The following BANK1 variants were observed in gnomAD, a reference collection of about 807,000 sequenced individuals.
BANK1 encodes B-cell scaffold protein with ankyrin repeats.
BANK1 carries 95 observed loss-of-function variants against 94.5 expected under a neutral mutation model. The observed-to-expected ratio is 1.00, with a 90% CI of 0.85 to 1.19. BANK1 has a LOEUF of 1.19. Ranked by LOEUF, BANK1 falls within the 50% of genes most tolerant of loss-of-function variation. The pLI is 0.00. For synonymous variants in BANK1, 334 were observed against 308.4 expected (o/e 1.08, Z -0.87); for missense variants, 987 against 932.2 (o/e 1.06, Z -0.77).
At position 102,016,843 on chromosome 4, in the gene BANK1, C is replaced by A. The variant is rs576455306; in HGVS notation, c.1207-4671C>A. Among the ~76,000 whole-genome samples, 3 of 151,940 alleles carry A rather than the reference C, an allele frequency of 2.0e-5. No individual in the cohort carries two copies. In the South Asian group the frequency reaches 6.2e-4, roughly 32 times the overall value. On this transcript the variant is annotated intron_variant, in intron 7 of 16. Transcript: ENST00000322953. ...AAGCCAGGAGCTAAAGACACGCCCACGAATAATAAGGTTAGAGATATAAAT... is the reference window on the plus strand; with the variant it reads ...AAGCCAGGAGCTAAAGACACGCCCAAGAATAATAAGGTTAGAGATATAAAT...
chr4:101,920,974 GGA>G (rs1228439119), intron 7 of BANK1, among the ~76,000 whole-genome samples: 2 of 151,798 alleles, frequency 1.3e-5, no homozygotes, highest in Non-Finnish European at 2.9e-5. Flanking sequence ...GGAAGAGAAA[GGA>G]GAGAAGGAGG....
At chr4:101,803,997 C>CAAAAAAAAAAAAAAAAAA (rs55704915) in intron 1 of BANK1, among the ~76,000 whole-genome samples, 2 of 68,408 alleles carry the variant, frequency 2.9e-5, no homozygotes, top group Non-Finnish European at 2.4e-5. Flanking sequence ...GACTCCGTCT[C>CAAAAAAAAAAAAAAAAAA]AAAAAAAAAA....
chr4:101,868,525 AT>A (rs544625273), intron 4 of BANK1, among the ~76,000 whole-genome samples: 156 of 152,058 alleles, frequency 1.0e-3, no homozygotes, highest in Middle Eastern at 0.01. Flanking sequence ...ATTGTATAAG[AT>A]TTGTGATATA....
At chr4:101,870,817 C>T (rs1259118717) in intron 5 of BANK1, among the ~76,000 whole-genome samples, 173 bp downstream of exon 5, 1 of 151,314 alleles carries the variant, frequency 6.6e-6, no homozygotes, top group Non-Finnish European at 1.5e-5. Context: ...AGACAAATTA[C>T]TTTGCCTAGG....
chr4:101,927,452 A>G (rs1723200586), intron 7 of BANK1, among the ~76,000 whole-genome samples: 1 of 151,642 alleles, frequency 6.6e-6, no homozygotes, highest in African/African-American at 2.4e-5. Flanking sequence ...AATTGATCAG[A>G]GTCACAACTA....
chr4:101,849,954 T>C (rs1334420580), intron 2 of BANK1, among the ~76,000 whole-genome samples: 1 of 152,176 alleles, frequency 6.6e-6, no homozygotes, highest in East Asian at 1.9e-4. Context: ...TTTAGAAAAG[T>C]GTTAGAAGAG....
chr4:102,039,133 G>A (rs984978022), intron 10 of BANK1, among the ~76,000 whole-genome samples: 13 of 152,146 alleles, frequency 8.5e-5, no homozygotes, highest in South Asian at 2.1e-4. Flanking sequence ...ACCTACATAC[G>A]TCTGCCATGC....
chr4:101,977,457 T>C (rs562733391), intron 7 of BANK1, among the ~76,000 whole-genome samples: 45 of 152,168 alleles, frequency 3.0e-4, no homozygotes, highest in Non-Finnish European at 5.4e-4. Flanking sequence ...GTCACTGTGG[T>C]CGTTAAATGT....
chr4:101,934,181 G>T (rs527553442), intron 7 of BANK1, among the ~76,000 whole-genome samples: 1 of 151,446 alleles, frequency 6.6e-6, no homozygotes, highest in African/African-American at 2.4e-5. Context: ...AATTTCCAGA[G>T]TAGATAAAAA....
intron 5 of BANK1, among the ~76,000 whole-genome samples, chr4:101,891,810 C>T (rs1345462408): frequency 6.6e-6 from 1 of 151,964 alleles, no homozygotes; most frequent in African/African-American, 2.4e-5. Context: ...ACTGTATTTT[C>T]AGTTCTAAAA....
chr4:101,842,563 A>G (rs1727091280), intron 2 of BANK1, among the ~76,000 whole-genome samples: 1 of 152,080 alleles, frequency 6.6e-6, no homozygotes, highest in African/African-American at 2.4e-5. Context: ...AAATAACTAT[A>G]CTCTTGGACA....
Position 101,889,604 on chromosome 4 carries a change from C to CAAAAA in BANK1, c.904-5681_904-5677dup, listed in dbSNP as rs59341810. Among the ~76,000 whole-genome samples, 64 of 54,894 alleles carry CAAAAA rather than the reference C, an allele frequency of 1.2e-3. 3 individuals carry two copies. The highest frequency in any genetic ancestry group is 3.8e-3 in the African/African-American group (54 of 14,276). 36.0% of individuals were successfully genotyped at this position (54,894 alleles called of 152,430 possible). A position where few individuals can be genotyped will look rare whatever the true frequency, so the allele number is the denominator to read the frequency against. ...TGGGCGACAGAGCGAGACTCCGTCTCAAAAAAAAAAAAAAAAAAAAAAAAG... is the reference window on the plus strand; with the variant it reads ...TGGGCGACAGAGCGAGACTCCGTCTCAAAAAAAAAAAAAAAAAAAAAAAAAAAAAG... On this transcript the variant is annotated intron_variant, in intron 5 of 16. Coordinates refer to ENST00000322953, the MANE Select transcript of BANK1 (RefSeq NM_017935.5).
At position 101,986,907 on chromosome 4, in the gene BANK1, A is replaced by G. The variant is rs369887170; in HGVS notation, c.1207-34607A>G. 2.2e-3 allele frequency among the ~76,000 whole-genome samples: 248 copies of G among 112,098 alleles called. 7 individuals carry two copies. The highest frequency in any genetic ancestry group is 5.2e-3 in the African/African-American group (143 of 27,762). The allele number at this position is 112,098 out of a possible 152,430, so 73.5% of individuals were successfully genotyped here. A position where few individuals can be genotyped will look rare whatever the true frequency, so the allele number is the denominator to read the frequency against. On this transcript the variant is annotated intron_variant, in intron 7 of 16. Transcript: ENST00000322953. ...TGTGTGTGTGTGTGTGTGTATATATATATATATATATATATATATATATAG... is the reference window on the plus strand; with the variant it reads ...TGTGTGTGTGTGTGTGTGTATATATGTATATATATATATATATATATATAG...
rs1004498017 is a variant in BANK1, at chr4:101,890,090, A to G, written c.904-5215A>G. On this transcript the variant is annotated intron_variant, in intron 5 of 16. Transcript: ENST00000322953. Reference sequence around the variant, plus strand: ...TGTTTTATGCCTCAGGATATGATCTATCTTGGTATAAGTTTCTCAAACCCT... The same window carrying G: ...TGTTTTATGCCTCAGGATATGATCTGTCTTGGTATAAGTTTCTCAAACCCT... Among the ~76,000 whole-genome samples the G allele has an allele frequency of 4.6e-5, 7 of 152,300 alleles. No homozygotes were observed. The South Asian group carries it at 1.2e-3, about 27-fold the overall frequency.
intron 7 of BANK1, among the ~76,000 whole-genome samples, chr4:101,967,855 A>G (rs1170950885): frequency 1.3e-5 from 2 of 152,110 alleles, no homozygotes; most frequent in Admixed American, 6.6e-5. Context: ...GCCATATGGA[A>G]ACAAAGGACT....
intron 6 of BANK1, among the ~76,000 whole-genome samples, chr4:101,914,610 T>A (rs1373702241): frequency 6.6e-6 from 1 of 152,162 alleles, no homozygotes; most frequent in Non-Finnish European, 1.5e-5. Flanking sequence ...TAGGTTCCTG[T>A]GAGCTTCTGG....
intron 6 of BANK1, among the ~76,000 whole-genome samples, chr4:101,902,997 C>T (rs767773086): frequency 9.2e-5 from 14 of 151,980 alleles, no homozygotes; most frequent in South Asian, 2.1e-4. Context: ...GAATGAACCA[C>T]GAATGAAGAA....
intron 6 of BANK1, among the ~76,000 whole-genome samples, chr4:101,906,883 C>A (rs527676038): frequency 6.6e-6 from 1 of 152,262 alleles, no homozygotes; most frequent in East Asian, 1.9e-4. Context: ...TGGGGAGACC[C>A]TAACCCAGTG....
chr4:101,993,636 CT>C (rs1441104257), intron 7 of BANK1, among the ~76,000 whole-genome samples: 1 of 152,122 alleles, frequency 6.6e-6, no homozygotes. Context: ...TTATCTCTGT[CT>C]TGAAAAATTG....
Sources: allele counts gnomAD v4.1 joint callset (sites outside exome capture counted in the v4.1 genomes callset), GRCh38; gene constraint gnomAD v4.1.1; transcripts MANE v1.5; gene names NCBI Gene and HGNC (gene_info 2026-07-23, HGNC 2026-07-21).